The following LPIN3 variants were observed in gnomAD, a reference collection of about 807,000 sequenced individuals.
The protein encoded by LPIN3 is lipin 3.
LPIN3 carries 82 observed loss-of-function variants against 94.7 expected under a neutral mutation model. The observed-to-expected ratio is 0.87, with a 90% confidence interval of 0.72 to 1.04. LPIN3 has a LOEUF of 1.04. LPIN3 is among the 50% of genes least tolerant of loss of function. LPIN3 has a pLI of 0.00. For synonymous variants in LPIN3, 418 were observed against 443.3 expected (o/e 0.94, Z 0.72); for missense variants, 996 against 1,090.5 (o/e 0.91, Z 1.22).
intron 11 of LPIN3, among the ~76,000 whole-genome samples, chr20:41,353,696 C>T (rs1163415623): frequency 6.6e-6 from 1 of 152,252 alleles, no homozygotes; most frequent in Non-Finnish European, 1.5e-5. Flanking sequence ...CTGGGCAGTG[C>T]CAGCCTGTGC....
At chr20:41,352,748 T>C in intron 10 of LPIN3, 49 bp downstream of exon 10, 1 of 1,613,036 alleles carries the variant, frequency 6.2e-7, no homozygotes, top group South Asian at 1.1e-5. Context: ...CATTTCCCTC[T>C]TCACAACCCT....
At chr20:41,357,627 T>A (rs1459013278) in intron 16 of LPIN3, among the ~76,000 whole-genome samples, 180 bp downstream of exon 16, 2 of 152,228 alleles carry the variant, frequency 1.3e-5, no homozygotes, top group African/African-American at 4.8e-5. Flanking sequence ...CCCCTGGGGC[T>A]GTGTTCTAGG....
In LPIN3 at chr20:41,357,204, C is replaced by T. The variant is rs745633588; in HGVS notation, c.1952+16C>T. 1.2e-6 allele frequency: 2 copies of T among 1,613,586 alleles called. No individual in the cohort carries two copies. The highest frequency in any genetic ancestry group is 2.2e-5 in the South Asian group (2 of 91,048). ...CCATCACCAAGTGAGGCCCACCCAG[C>T]TGTGGGAAGGGGAGGGAGAGGGGTT... On this transcript the variant is annotated intron_variant, in intron 15 of 19. Coordinates refer to ENST00000373257, the MANE Select transcript of LPIN3 (RefSeq NM_022896.3).
At chr20:41,341,651 G>A (rs969322407) in intron 1 of LPIN3, among the ~76,000 whole-genome samples, 13 of 152,214 alleles carry the variant, frequency 8.5e-5, no homozygotes, top group Non-Finnish European at 1.6e-4. Flanking sequence ...GCAAATAGTG[G>A]TGCCACCATT....
intron 11 of LPIN3, 55 bp downstream of exon 11, chr20:41,352,922 C>A: frequency 1.3e-6 from 2 of 1,581,912 alleles, no homozygotes; most frequent in Non-Finnish European, 8.7e-7. Context: ...AGACTCAGGG[C>A]ACGGAGACCC....
chr20:41,360,286 G>T lies in LPIN3; in HGVS notation c.*1420G>T, dbSNP rs1384550343. 2 of 152,312 alleles carry T rather than the reference G, an allele frequency of 1.3e-5. No individual in the cohort carries two copies. The highest frequency in any genetic ancestry group is 2.1e-4 in the South Asian group (1 of 4,830). The allele number at this position is 152,312 out of a possible 1,614,324, so 9.4% of individuals were successfully genotyped here. A position where few individuals can be genotyped will look rare whatever the true frequency, so the allele number is the denominator to read the frequency against. On this transcript the variant is annotated 3_prime_UTR_variant, in exon 20 of 20. Coordinates refer to ENST00000373257, the MANE Select transcript of LPIN3 (RefSeq NM_022896.3). ...AGGGGTGTTAAAAGCAAGGCTTGGAGCCCCTTTCCTCCAGCTGGTGGCTCC... is the reference window on the plus strand; with the variant it reads ...AGGGGTGTTAAAAGCAAGGCTTGGATCCCCTTTCCTCCAGCTGGTGGCTCC...
intron 14 of LPIN3, 143 bp from the exon 15 acceptor site, chr20:41,356,897 T>G: frequency 1.0e-6 from 1 of 1,002,532 alleles, no homozygotes; most frequent in African/African-American, 1.6e-5. Context: ...TGGCTATCTC[T>G]GATGAATCCA....
Position 41,350,409 on chromosome 20 carries a change from T to G in LPIN3, c.1102+12T>G. ...CTCCAGGGGGAAAGGTGAGTGACGC[T>G]GGGTCTCTCCCACTGCCTCCCTGGC... On this transcript the variant is annotated intron_variant, in intron 7 of 19. Coordinates refer to ENST00000373257, the MANE Select transcript of LPIN3 (RefSeq NM_022896.3). 6.5e-7 allele frequency: 1 copy of G among 1,541,772 alleles called. No individual in the cohort carries two copies. Among genetic ancestry groups the G allele is most frequent in the Non-Finnish European group, 8.8e-7 (1 of 1,139,822 alleles).
rs777992562 is a variant in LPIN3 at position 41,351,805 on chromosome 20, T to A, written c.1103-16T>A. The A allele has an allele frequency of 5.6e-6, 9 of 1,612,548 alleles. No individual in the cohort carries two copies. Among genetic ancestry groups the A allele is most frequent in the Non-Finnish European group, 7.6e-6 (9 of 1,178,652 alleles). On this transcript the variant is annotated splice_polypyrimidine_tract_variant and intron_variant, in intron 7 of 19. Transcript: ENST00000373257. ...GCACATGTCAGCTCTACAGATATCC[T>A]CTCTTCAACTCTCAGGCTCCCCAAA...
rs368305370 is a variant in LPIN3, at chr20:41,343,623, T to A, written c.-8-2173T>A. Among the ~76,000 whole-genome samples, 5 of 152,346 alleles carry A rather than the reference T, an allele frequency of 3.3e-5. No homozygotes were observed. The South Asian group carries it at 8.3e-4, about 25-fold the overall frequency. On this transcript the variant is annotated intron_variant, in intron 1 of 19. Transcript: ENST00000373257. ...ATCCGATGTCCTAGGATGGGCAGGA[T>A]GTGGCATTATCTGAGAAATGCTGTG...
In LPIN3 at chr20:41,347,533, C is replaced by CATGT. The variant is rs2045825954; in HGVS notation, c.193-18_193-17insTGTA. Reference sequence around the variant, plus strand: ...TGGGCGTGAAGGCCCATGTCCCTGCCACCGCTTTCCATTTGCAGGTAGACA... The same window carrying CATGT: ...TGGGCGTGAAGGCCCATGTCCCTGCCATGTACCGCTTTCCATTTGCAGGTAGACA... On this transcript the variant is annotated intron_variant, in intron 2 of 19. Transcript: ENST00000373257. The CATGT allele has an allele frequency of 6.2e-7, 1 of 1,611,574 alleles. No homozygotes were observed.
rs775102312 is a variant in LPIN3, at chr20:41,357,966, G to T, written c.2124G>T (p.Glu708Asp). The T allele has an allele frequency of 3.2e-5, 52 of 1,613,434 alleles. No individual in the cohort carries two copies. The South Asian group carries it at 5.6e-4, about 17-fold the overall frequency. ...LTKGYLQWVS[E>D]GGCSLPKGPI... ...AGGGGTACCTGCAGTGGGTGAGCGA[G>T]GGGGGCTGTAGCCTCCCCAAGGGCC... is the stretch of plus-strand genomic sequence containing the variant. Residue 708 changes from glutamate to aspartate, a missense_variant, in exon 17 of 20, where the codon GAG (glutamate) becomes GAT (aspartate). Glu to Asp is a conservative substitution (Grantham distance 45). Transcript: ENST00000373257.
At chr20:41,345,671 T>G in intron 1 of LPIN3, 125 bp from the exon 2 acceptor site, 3 of 977,298 alleles carry the variant, frequency 3.1e-6, no homozygotes, top group Non-Finnish European at 4.5e-6. Flanking sequence ...TGCTGCCATC[T>G]GTGCAAAGGC....
At position 41,355,806 on chromosome 20, in the gene LPIN3, C is replaced by G. The variant is rs373441398; in HGVS notation, c.1665-90C>G. ...ATACCCTGGGTAGGCCCTGGCATGG[C>G]GGGGACAGGTCCAGCCTCCTCTTGG... On this transcript the variant is annotated intron_variant, in intron 13 of 19. Coordinates refer to ENST00000373257, the MANE Select transcript of LPIN3 (RefSeq NM_022896.3). 3.0e-4 allele frequency: 453 copies of G among 1,519,948 alleles called. 4 individuals are homozygous for G. The highest frequency in any genetic ancestry group is 2.9e-3 in the East Asian group (128 of 43,918). The allele number at this position is 1,519,948 out of a possible 1,614,324, so 94.2% of individuals were successfully genotyped here. A position where few individuals can be genotyped will look rare whatever the true frequency, so the allele number is the denominator to read the frequency against.
intron 7 of LPIN3, among the ~76,000 whole-genome samples, chr20:41,351,090 A>T (rs199674852): frequency 1.2e-4 from 16 of 137,434 alleles, no homozygotes; most frequent in South Asian, 2.4e-4. Context: ...AAAAAAAAAA[A>T]ATTTTTTTTT....
At position 41,351,809 on chromosome 20, in the gene LPIN3, T is replaced by G; in HGVS notation, c.1103-12T>G. ...ATGTCAGCTCTACAGATATCCTCTCTTCAACTCTCAGGCTCCCCAAAGAGA... is the reference window on the plus strand; with the variant it reads ...ATGTCAGCTCTACAGATATCCTCTCGTCAACTCTCAGGCTCCCCAAAGAGA... On this transcript the variant is annotated splice_polypyrimidine_tract_variant and intron_variant, in intron 7 of 19. Transcript: ENST00000373257. 6.2e-7 allele frequency: 1 copy of G among 1,613,482 alleles called. No homozygotes were observed. The highest frequency in any genetic ancestry group is 8.5e-7 in the Non-Finnish European group (1 of 1,179,440).
Position 41,351,822 on chromosome 20 carries a change from C to T in LPIN3, c.1104C>T (p.Gly368=), listed in dbSNP as rs201421222. 8.5e-5 allele frequency: 137 copies of T among 1,614,058 alleles called. No homozygotes were observed. The East Asian group carries it at 3.1e-3, about 36-fold the overall frequency. The change falls in exon 8 of 20, where the codon GGC becomes GGT. Residue 368 remains glycine, a splice_region_variant and synonymous_variant. Transcript: ENST00000373257. ...AGATATCCTCTCTTCAACTCTCAGG[C>T]TCCCCAAAGAGAAGCCAGCACCTGG... ...GQPERVSRGK[G]SPKRSQHLGP...
chr20:41,347,662 C>T lies in LPIN3; in HGVS notation c.288+15C>T. On this transcript the variant is annotated intron_variant, in intron 3 of 19. Transcript: ENST00000373257. ...AGAGCGATGATGTGAGTCTGCCCTC[C>T]TAACAGCACCTGCCCCGCCCACCCC... 6.2e-7 allele frequency: 1 copy of T among 1,601,796 alleles called. No homozygotes were observed. The highest frequency in any genetic ancestry group is 8.5e-7 in the Non-Finnish European group (1 of 1,171,326).
At chr20:41,342,497 C>G (rs573626949) in intron 1 of LPIN3, among the ~76,000 whole-genome samples, 184 of 152,204 alleles carry the variant, frequency 1.2e-3, no homozygotes, top group Non-Finnish European at 1.8e-3. Flanking sequence ...TGATTTTAGA[C>G]ATGTTAGTTT....
Sources: allele counts gnomAD v4.1 joint callset (sites outside exome capture counted in the v4.1 genomes callset), GRCh38; gene constraint gnomAD v4.1.1; transcripts MANE v1.5; gene names NCBI Gene and HGNC (gene_info 2026-07-23, HGNC 2026-07-21).